The following NEK11 variants were observed in gnomAD, a reference collection of about 807,000 sequenced individuals.
NEK11 encodes NIMA related kinase 11, also known as serine/threonine-protein kinase Nek11.
NEK11 carries 72 observed loss-of-function variants against 80.7 expected under a neutral mutation model. The ratio of observed to expected loss-of-function variants is 0.89; its 90% CI spans 0.74 to 1.08. NEK11 has a LOEUF of 1.08. Ranked by LOEUF, NEK11 falls within the 50% of genes least tolerant of loss-of-function variation. The probability of loss-of-function intolerance (pLI) is 0.00; values close to 1 mark genes in which losing one functional copy is unlikely to be tolerated. For missense variants in NEK11, 764 were observed against 763.6 expected, an observed-to-expected ratio of 1.00 and a Z score of -0.01; for synonymous variants, 251 against 260.7, an observed-to-expected ratio of 0.96 and a Z score of 0.36.
intron 14 of NEK11, among the ~76,000 whole-genome samples, chr3:131,200,631 C>T (rs2150372622): frequency 6.6e-6 from 1 of 152,302 alleles, no homozygotes; most frequent in African/African-American, 2.4e-5. Context: ...CAGGAAAGGA[C>T]TATCAGGCCT....
intron 17 of NEK11, among the ~76,000 whole-genome samples, chr3:131,309,593 A>G (rs1046893939): frequency 1.5e-5 from 2 of 136,514 alleles, no homozygotes; most frequent in African/African-American, 5.3e-5. Context: ...ATCTGGGTAC[A>G]AGAAAAATGC....
At chr3:131,047,720 TTTTG>T (rs1284880245) in intron 3 of NEK11, among the ~76,000 whole-genome samples, 5 of 152,282 alleles carry the variant, frequency 3.3e-5, no homozygotes, top group African/African-American at 9.6e-5. Context: ...TTGGTTGTAG[TTTTG>T]TTTATTGTAC....
intron 15 of NEK11, among the ~76,000 whole-genome samples, chr3:131,233,553 G>C (rs1019375716): frequency 4.2e-4 from 64 of 152,174 alleles, no homozygotes; most frequent in African/African-American, 1.5e-3. Context: ...CAGAGATAAA[G>C]GAGAAGGTGA....
chr3:131,332,316 C>T (rs553427164), intron 17 of NEK11, among the ~76,000 whole-genome samples: 3 of 152,176 alleles, frequency 2.0e-5, no homozygotes, highest in Admixed American at 2.0e-4. Flanking sequence ...CACGAAAATC[C>T]GCTGTTCTGC....
Position 131,252,592 on chromosome 3 carries a change from G to A in NEK11, c.1621+9096G>A, listed in dbSNP as rs548216907. ...TGTGGCTTCAGGAGATCCTGAAGAT[G>A]ACTTTTTGCATTTCAAGTTCAGTGT... On this transcript the variant is annotated intron_variant, in intron 16 of 17. Transcript: ENST00000383366. 9.9e-5 allele frequency among the ~76,000 whole-genome samples: 15 copies of A among 152,214 alleles called. No homozygotes were observed. The South Asian group carries it at 2.9e-3, about 29-fold the overall frequency.
At chr3:131,313,114 A>G (rs547336210) in intron 17 of NEK11, among the ~76,000 whole-genome samples, 1 of 152,238 alleles carries the variant, frequency 6.6e-6, no homozygotes, top group Admixed American at 6.5e-5. Context: ...ACTAAGGATT[A>G]TGGCCTCCAG....
chr3:131,044,443 A>AAAAGGG (rs71627025), intron 3 of NEK11, among the ~76,000 whole-genome samples: 3 of 83,602 alleles, frequency 3.6e-5, no homozygotes, highest in African/African-American at 8.6e-5. Flanking sequence ...AAAAAAAAAA[A>AAAAGGG]GGTGGGGGGG....
intron 3 of NEK11, among the ~76,000 whole-genome samples, chr3:131,059,345 A>C (rs2070352993): frequency 6.6e-6 from 1 of 152,160 alleles, no homozygotes; most frequent in South Asian, 2.1e-4. Flanking sequence ...TATCTCAATA[A>C]AGTTGTTATA....
chr3:131,337,101 C>A (rs896536981), intron 17 of NEK11, among the ~76,000 whole-genome samples: 1 of 152,144 alleles, frequency 6.6e-6, no homozygotes, highest in Non-Finnish European at 1.5e-5. Flanking sequence ...TTGACCCAGC[C>A]ATCCCATTAC....
At position 131,278,988 on chromosome 3, in the gene NEK11, G is replaced by A. The variant is rs1242907495; in HGVS notation, c.1718+5414G>A. 4.6e-5 allele frequency among the ~76,000 whole-genome samples: 7 copies of A among 152,094 alleles called. No individual in the cohort carries two copies. In the East Asian group the frequency reaches 1.3e-3, roughly 29 times the overall value. On this transcript the variant is annotated intron_variant, in intron 17 of 17. Transcript: ENST00000383366. Reference sequence around the variant, plus strand: ...TTTGAGACATTTGTTACCAGAATGTGAGTTGGAATCAGTCTTAATAAAAAT... The same window carrying A: ...TTTGAGACATTTGTTACCAGAATGTAAGTTGGAATCAGTCTTAATAAAAAT...
intron 3 of NEK11, among the ~76,000 whole-genome samples, chr3:131,066,218 C>T (rs546807228): frequency 5.3e-5 from 8 of 152,230 alleles, no homozygotes; most frequent in Admixed American, 2.0e-4. Flanking sequence ...TCCTGCTGGC[C>T]GCTGCTTTAT....
chr3:131,227,772 T>C (rs1456547014), intron 14 of NEK11, among the ~76,000 whole-genome samples: 1 of 152,178 alleles, frequency 6.6e-6, no homozygotes, highest in Non-Finnish European at 1.5e-5. Context: ...AATTATATTG[T>C]TATGCTTTCT....
chr3:131,266,925 T>C, intron 16 of NEK11, among the ~76,000 whole-genome samples: 1 of 152,256 alleles, frequency 6.6e-6, no homozygotes, highest in East Asian at 1.9e-4. Context: ...GTTGCATTGA[T>C]CCCTTTACCA....
chr3:131,236,227 G>A (rs990226381), intron 15 of NEK11, among the ~76,000 whole-genome samples: 1 of 152,136 alleles, frequency 6.6e-6, no homozygotes, highest in Non-Finnish European at 1.5e-5. Flanking sequence ...GCAAGTGGAA[G>A]GATTGATTAG....
intron 15 of NEK11, among the ~76,000 whole-genome samples, chr3:131,232,313 C>G (rs1010672205): frequency 6.6e-6 from 1 of 152,214 alleles, no homozygotes; most frequent in Non-Finnish European, 1.5e-5. Context: ...CTTAGGGCTA[C>G]AGGCTGACGA....
chr3:131,320,902 A>G (rs912218754), intron 17 of NEK11, among the ~76,000 whole-genome samples: 1 of 152,198 alleles, frequency 6.6e-6, no homozygotes, highest in Non-Finnish European at 1.5e-5. Flanking sequence ...GAGAATCAAT[A>G]TTGTTAAAAT....
intron 5 of NEK11, among the ~76,000 whole-genome samples, chr3:131,113,932 C>T (rs899132848): frequency 1.4e-5 from 2 of 144,232 alleles, no homozygotes; most frequent in South Asian, 4.4e-4. Context: ...AAAAAAAAGG[C>T]AATCTTGCTT....
chr3:131,160,245 A>T lies in NEK11; in HGVS notation c.963-2163A>T, dbSNP rs551935120. ...CAGCAGATGTCTCAGCTGAAACCTT[A>T]CAAGCCAGAAGAGATTGGGGGCCAA... On this transcript the variant is annotated intron_variant, in intron 10 of 17. Transcript: ENST00000383366. Among the ~76,000 whole-genome samples the T allele has an allele frequency of 8.1e-4, 123 of 152,342 alleles. 1 individual carries two copies. Among genetic ancestry groups the T allele is most frequent in the Non-Finnish European group, 3.7e-4 (25 of 68,024 alleles).
At chr3:131,070,434 C>T (rs909923819) in intron 3 of NEK11, among the ~76,000 whole-genome samples, 53 of 152,118 alleles carry the variant, frequency 3.5e-4, no homozygotes, top group African/African-American at 1.1e-3. Flanking sequence ...GAGAGTAAGT[C>T]CTGAGAAACA....
Sources: allele counts gnomAD v4.1 joint callset (sites outside exome capture counted in the v4.1 genomes callset), GRCh38; gene constraint gnomAD v4.1.1; transcripts MANE v1.5; gene names NCBI Gene and HGNC (gene_info 2026-07-23, HGNC 2026-07-21).